Variants in NRG1 observed in about 807,000 individuals in gnomAD.
NRG1 encodes the protein neuregulin 1, also known as pro-neuregulin-1, membrane-bound isoform.
NRG1 carries 18 observed loss-of-function variants against 63.8 expected under a neutral mutation model. That is an observed-to-expected ratio of 0.28 (90% CI 0.19 to 0.42). The LOEUF is 0.42. Among genes scored for constraint, NRG1 ranks in the 10% least tolerant of loss-of-function variants. NRG1 has a pLI of 1.00. For synonymous variants in NRG1, 302 were observed against 301.3 expected, an observed-to-expected ratio of 1.00 and a Z score of -0.02; for missense variants, 762 against 814.7, an observed-to-expected ratio of 0.94 and a Z score of 0.79.
chr8:32,208,162 CAATT>C (rs1432977663), intron 1 of NRG1, among the ~76,000 whole-genome samples: 1 of 151,980 alleles, frequency 6.6e-6, no homozygotes, highest in Non-Finnish European at 1.5e-5. Flanking sequence ...ATATATGAAA[CAATT>C]AAGAAATCAT....
intron 1 of NRG1, among the ~76,000 whole-genome samples, chr8:32,219,289 T>A (rs1845569299): frequency 6.6e-6 from 1 of 152,298 alleles, no homozygotes; most frequent in Middle Eastern, 3.4e-3. Flanking sequence ...CTAAAACAGC[T>A]CTTTTCTCAC....
At chr8:32,686,197 T>C (rs1176203816) in intron 5 of NRG1, among the ~76,000 whole-genome samples, 2 of 152,204 alleles carry the variant, frequency 1.3e-5, no homozygotes, top group Admixed American at 6.5e-5. Context: ...TCTTTGCTAC[T>C]TCTTTCCATA....
chr8:32,152,780 A>C (rs1023800643), intron 1 of NRG1, among the ~76,000 whole-genome samples: 1 of 152,140 alleles, frequency 6.6e-6, no homozygotes, highest in African/African-American at 2.4e-5. Flanking sequence ...ATCCACTTTC[A>C]AGTCAAAAAA....
intron 1 of NRG1, among the ~76,000 whole-genome samples, chr8:32,022,166 C>T (rs1318466819): frequency 6.6e-6 from 1 of 152,110 alleles, no homozygotes; most frequent in African/African-American, 2.4e-5. Flanking sequence ...GCTTTAAGTC[C>T]TCTATGCAAA....
chr8:32,587,559 C>T (rs554607591), intron 1 of NRG1, among the ~76,000 whole-genome samples: 29 of 152,274 alleles, frequency 1.9e-4, no homozygotes, highest in Admixed American at 6.5e-4. Context: ...CAGGGCCTCA[C>T]GATTCCAAAT....
At chr8:32,291,933 A>G (rs1854252601) in intron 1 of NRG1, among the ~76,000 whole-genome samples, 1 of 152,332 alleles carries the variant, frequency 6.6e-6, no homozygotes, top group East Asian at 1.9e-4. Context: ...TGGTACCAGC[A>G]CCAGCTACAG....
At chr8:32,517,217 A>C (rs1829912139) in intron 1 of NRG1, among the ~76,000 whole-genome samples, 1 of 152,120 alleles carries the variant, frequency 6.6e-6, no homozygotes, top group African/African-American at 2.4e-5. Context: ...CTTTTTATAA[A>C]ATACATCAAA....
intron 1 of NRG1, among the ~76,000 whole-genome samples, chr8:31,694,382 A>G (rs150883180): frequency 1.2e-3 from 183 of 152,346 alleles, no homozygotes; most frequent in African/African-American, 4.0e-3. Flanking sequence ...CTAAATTAAA[A>G]TGAATTTTTG....
At chr8:32,318,384 G>T (rs1348896062) in intron 1 of NRG1, among the ~76,000 whole-genome samples, 2 of 152,160 alleles carry the variant, frequency 1.3e-5, no homozygotes, top group African/African-American at 2.4e-5. Context: ...GCTACCTCAT[G>T]CTTTTTGTAG....
intron 1 of NRG1, among the ~76,000 whole-genome samples, chr8:32,222,567 C>T (rs1282427333): frequency 1.3e-5 from 2 of 152,108 alleles, no homozygotes; most frequent in African/African-American, 4.8e-5. Context: ...CCAGTTACAC[C>T]CAGGGCAAGT....
At chr8:31,800,282 G>A (rs1290270444) in intron 1 of NRG1, among the ~76,000 whole-genome samples, 1 of 152,150 alleles carries the variant, frequency 6.6e-6, no homozygotes, top group African/African-American at 2.4e-5. Context: ...AGCAGGTGGT[G>A]GGGCGAGGTA....
At chr8:31,777,655 G>A (rs1437965584) in intron 1 of NRG1, among the ~76,000 whole-genome samples, 1 of 152,234 alleles carries the variant, frequency 6.6e-6, no homozygotes, top group Admixed American at 6.5e-5. Context: ...GGCTATACAA[G>A]AAGCGTGGCG....
intron 1 of NRG1, among the ~76,000 whole-genome samples, chr8:32,346,740 T>C (rs2129479011): frequency 6.6e-6 from 1 of 152,258 alleles, no homozygotes; most frequent in Non-Finnish European, 1.5e-5. Flanking sequence ...GTACATATCT[T>C]TGGGGTACAT....
At chr8:32,094,385 T>C (rs1222774421) in intron 1 of NRG1, among the ~76,000 whole-genome samples, 2 of 152,178 alleles carry the variant, frequency 1.3e-5, no homozygotes, top group Non-Finnish European at 2.9e-5. Context: ...TTGCCCAGGC[T>C]TTTGTGACAT....
chr8:32,577,176 T>C (rs2129529897), intron 1 of NRG1, among the ~76,000 whole-genome samples: 1 of 152,340 alleles, frequency 6.6e-6, no homozygotes, highest in East Asian at 1.9e-4. Context: ...GGCTACATGA[T>C]ATTCCACAGT....
intron 1 of NRG1, among the ~76,000 whole-genome samples, chr8:31,811,515 CA>C (rs1163051905): frequency 6.6e-6 from 1 of 152,100 alleles, no homozygotes; most frequent in Non-Finnish European, 1.5e-5. Context: ...CAGGGAAAGA[CA>C]GATATATATG....
At chr8:32,719,477 G>A (rs1456037263) in intron 5 of NRG1, among the ~76,000 whole-genome samples, 2 of 151,826 alleles carry the variant, frequency 1.3e-5, no homozygotes, top group Admixed American at 6.6e-5. Context: ...ATTTCAGTAT[G>A]TATCTCTAAA....
At chr8:32,208,939 A>G (rs1195434943) in intron 1 of NRG1, among the ~76,000 whole-genome samples, 2 of 152,220 alleles carry the variant, frequency 1.3e-5, no homozygotes, top group African/African-American at 4.8e-5. Flanking sequence ...AATTTTCAAT[A>G]ATAAGCATGC....
chr8:31,897,648 C>T (rs374607772), intron 1 of NRG1, among the ~76,000 whole-genome samples: 15 of 152,250 alleles, frequency 9.9e-5, no homozygotes, highest in African/African-American at 3.6e-4. Context: ...AACCCCTTAT[C>T]TTGACCCAGA....
Sources: allele counts gnomAD v4.1 joint callset (sites outside exome capture counted in the v4.1 genomes callset), GRCh38; gene constraint gnomAD v4.1.1; transcripts MANE v1.5; gene names NCBI Gene and HGNC (gene_info 2026-07-23, HGNC 2026-07-21).